KAT6A: variants seen among roughly 807,000 people sequenced by gnomAD.
KAT6A encodes the protein lysine acetyltransferase 6A, also known as histone acetyltransferase KAT6A.
A neutral mutation model predicts 198.4 loss-of-function variants in KAT6A; 9 were observed. The observed-to-expected ratio is 0.05, with a 90% CI of 0.03 to 0.08. KAT6A has a LOEUF of 0.08. Ranked by LOEUF, KAT6A falls within the 10% of genes least tolerant of loss-of-function variation. The probability of loss-of-function intolerance (pLI) is 1.00; values close to 1 mark genes in which losing one functional copy is unlikely to be tolerated. For synonymous variants in KAT6A, 890 were observed against 883.0 expected (o/e 1.01, Z -0.14); for missense variants, 2,077 against 2,509.9 (o/e 0.83, Z 3.69).
intron 3 of KAT6A, among the ~76,000 whole-genome samples, chr8:41,986,871 C>G (rs1221131923): frequency 6.6e-6 from 1 of 152,074 alleles, no homozygotes; most frequent in Non-Finnish European, 1.5e-5. Context: ...AACCTTGTCT[C>G]TACTAAAAAT....
chr8:41,967,779 T>A (rs553975495), intron 8 of KAT6A, among the ~76,000 whole-genome samples: 1 of 151,988 alleles, frequency 6.6e-6, no homozygotes, highest in Non-Finnish European at 1.5e-5. Context: ...GACAGAGATA[T>A]AGATCAATGG....
At chr8:42,043,530 A>G (rs888049605) in intron 2 of KAT6A, 2 of 152,186 alleles carry the variant, frequency 1.3e-5, no homozygotes, top group African/African-American at 4.8e-5. Flanking sequence ...ACAAAACTAG[A>G]TTACTCCTAA....
rs138322320 is a variant in KAT6A at position 41,937,348 on chromosome 8, C to T, written c.3260G>A (p.Arg1087His). Residue 1087 changes from arginine (R) to histidine (H), a missense_variant, in exon 16 of 17, where the codon CGT (arginine) becomes CAT (histidine). Arg to His is a conservative substitution (Grantham distance 29). Around this residue, in one of 13 missense-constraint regions of KAT6A, gnomAD observed 375 missense variants for 383.0 expected, o/e 0.98. Transcript: ENST00000265713. Reference sequence around the variant, plus strand: ...CCTGAGTACATCCTGCGAAGACAAACGACGGAAGTATTCTCTAGGGAAAAG... The same window carrying T: ...CCTGAGTACATCCTGCGAAGACAAATGACGGAAGTATTCTCTAGGGAAAAG... ...NELFPREYFR[R>H]LSSQDVLRCQ... The T allele has an allele frequency of 1.4e-5, 22 of 1,613,906 alleles. No individual in the cohort carries two copies. The highest frequency in any genetic ancestry group is 1.3e-4 in the Admixed American group (8 of 59,998).
Position 41,929,575 on chromosome 8 carries a change from A to G in KAT6A, c.*2630T>C, listed in dbSNP as rs941214464. The G allele has an allele frequency of 2.6e-5, 5 of 190,544 alleles. No homozygotes were observed. Among genetic ancestry groups the G allele is most frequent in the Non-Finnish European group, 5.5e-5 (5 of 90,892 alleles). The allele number at this position is 190,544 out of a possible 1,614,324, so 11.8% of individuals were successfully genotyped here. ...AAGGGGAAAAAAAGGTATTACATAC[A>G]AGGAGAGGAAGGGAGGCCGGCTGGC... On this transcript the variant is annotated 3_prime_UTR_variant, in exon 17 of 17. Transcript: ENST00000265713.
At position 41,932,267 on chromosome 8, in the gene KAT6A, T is replaced by C; in HGVS notation, c.5953A>G (p.Ser1985Gly). Residue 1985 changes from serine to glycine, a missense_variant, in exon 17 of 17, where the codon AGC becomes GGC. Coordinates refer to ENST00000265713, the MANE Select transcript of KAT6A (RefSeq NM_006766.5). Reference sequence around the variant, plus strand: ...GGCACGCCAGCAGCGTTCATGTAGCTGTGATGGGAGGGGCCTGTGTACATC... The same window carrying C: ...GGCACGCCAGCAGCGTTCATGTAGCCGTGATGGGAGGGGCCTGTGTACATC... ...NMMYTGPSHH[S>G]YMNAAGVPKQ... The C allele has an allele frequency of 1.2e-6, 2 of 1,614,106 alleles. No individual in the cohort carries two copies. The highest frequency in any genetic ancestry group is 1.7e-6 in the Non-Finnish European group (2 of 1,179,982).
intron 2 of KAT6A, among the ~76,000 whole-genome samples, chr8:42,046,256 C>T (rs1206100241): frequency 6.6e-6 from 1 of 152,074 alleles, no homozygotes; most frequent in African/African-American, 2.4e-5. Flanking sequence ...AAACAACAGG[C>T]CAGGCACGGT....
intron 8 of KAT6A, among the ~76,000 whole-genome samples, chr8:41,961,688 G>A (rs971439666): frequency 8.6e-5 from 13 of 150,516 alleles, no homozygotes; most frequent in South Asian, 4.2e-4. Flanking sequence ...GGGACGTGGC[G>A]GTTGCAATGA....
chr8:41,970,664 C>T (rs1011963800), intron 8 of KAT6A, among the ~76,000 whole-genome samples: 2 of 152,094 alleles, frequency 1.3e-5, no homozygotes, highest in Non-Finnish European at 2.9e-5. Context: ...GACAGTGTGG[C>T]GAATCCGCAA....
At chr8:41,945,370 A>G (rs1219425365) in intron 12 of KAT6A, among the ~76,000 whole-genome samples, 3 of 150,970 alleles carry the variant, frequency 2.0e-5, no homozygotes, top group Non-Finnish European at 2.9e-5. Flanking sequence ...TCCCGGGTTC[A>G]AGCAATTCTT....
chr8:42,048,022 C>G (rs1480955361), intron 2 of KAT6A, among the ~76,000 whole-genome samples: 2 of 151,640 alleles, frequency 1.3e-5, no homozygotes, highest in Non-Finnish European at 2.9e-5. Context: ...GTAAGGTGTT[C>G]TAAGAACCTT....
intron 2 of KAT6A, among the ~76,000 whole-genome samples, chr8:42,040,335 C>T (rs985139373): frequency 3.3e-5 from 5 of 152,100 alleles, no homozygotes; most frequent in African/African-American, 1.2e-4. Context: ...ATTTGTGGTA[C>T]CCGATGTCTT....
intron 2 of KAT6A, among the ~76,000 whole-genome samples, chr8:42,021,463 A>G (rs1388888186): frequency 6.6e-6 from 1 of 152,212 alleles, no homozygotes; most frequent in Admixed American, 6.5e-5. Flanking sequence ...GAATTTTGTA[A>G]TTTAGGTACT....
chr8:41,933,029 T>A lies in KAT6A; in HGVS notation c.5191A>T (p.Ile1731Phe), dbSNP rs371730499. 1 of 1,613,802 alleles carries A rather than the reference T, an allele frequency of 6.2e-7. No individual in the cohort carries two copies. The highest frequency in any genetic ancestry group is 8.5e-7 in the Non-Finnish European group (1 of 1,180,012). ...PESGSTGNIS[I>F]YERIPGDFGA... Reference sequence around the variant, plus strand: ...AAATCCCCTGGAATCCTCTCATAGATACTTATGTTCCCAGTGCTTCCAGAT... The same window carrying A: ...AAATCCCCTGGAATCCTCTCATAGAAACTTATGTTCCCAGTGCTTCCAGAT... Residue 1731 changes from isoleucine (I) to phenylalanine (F), a missense_variant, in exon 17 of 17, where the codon ATC becomes TTC. Transcript: ENST00000265713. This position sits in a 1 kb window ranked among gnomAD's most constrained non-coding sequence, Gnocchi z 6.2.
Position 41,979,933 on chromosome 8 carries a change from A to G in KAT6A, c.907+913T>C, listed in dbSNP as rs60290496. Among the ~76,000 whole-genome samples, 937 of 152,212 alleles carry G rather than the reference A, an allele frequency of 6.2e-3. 17 individuals are homozygous for G. The highest frequency in any genetic ancestry group is 0.022 in the African/African-American group (907 of 41,540). ...GAATCGCTTTGAACCTGATAGGTGG[A>G]GGCTGCAGTGAGCCAAGATCCTGGG... On this transcript the variant is annotated intron_variant, in intron 5 of 16. Transcript: ENST00000265713.
chr8:42,011,872 A>C (rs1826034992), intron 2 of KAT6A, among the ~76,000 whole-genome samples: 1 of 151,226 alleles, frequency 6.6e-6, no homozygotes. Flanking sequence ...GGAAGAACAG[A>C]GGTGTGGGGA....
intron 2 of KAT6A, among the ~76,000 whole-genome samples, chr8:42,047,181 A>G (rs1416352214): frequency 6.6e-6 from 1 of 152,242 alleles, no homozygotes; most frequent in Non-Finnish European, 1.5e-5. Context: ...AACTTAAAGC[A>G]TCACTGCTCT....
intron 3 of KAT6A, among the ~76,000 whole-genome samples, chr8:41,984,239 G>A (rs1001457704): frequency 2.6e-5 from 4 of 152,154 alleles, no homozygotes; most frequent in Admixed American, 1.3e-4. Context: ...GCATAACCAA[G>A]AAGATATTGC....
At chr8:42,008,175 T>A (rs189714726) in intron 2 of KAT6A, among the ~76,000 whole-genome samples, 1 of 152,054 alleles carries the variant, frequency 6.6e-6, no homozygotes, top group East Asian at 1.9e-4. Context: ...ATGGCTGATA[T>A]ATACAGAGCC....
At chr8:42,006,955 C>T (rs916856576) in intron 2 of KAT6A, among the ~76,000 whole-genome samples, 2 of 138,856 alleles carry the variant, frequency 1.4e-5, no homozygotes, top group African/African-American at 5.6e-5. Flanking sequence ...AAGATCATGC[C>T]ACTGCACTCC....
Sources: gnomAD v4.1 joint callset for allele counts (sites outside exome capture counted in the v4.1 genomes callset) on GRCh38, gnomAD v4.1.1 for gene constraint, gnomAD v4.1.1 regional missense constraint, Gnocchi (gnomAD v3.1) non-coding constraint, MANE v1.5 for transcripts, NCBI Gene and HGNC (gene_info 2026-07-23, HGNC 2026-07-21) for gene names.